The following NUP93 variants were observed in gnomAD, a reference collection of about 807,000 sequenced individuals.
The protein encoded by NUP93 is nuclear pore complex protein Nup93.
Under a neutral mutation model 107.8 loss-of-function variants are expected in NUP93, and 55 were observed. That is an observed-to-expected ratio of 0.51 (90% CI 0.41 to 0.64). The LOEUF (loss-of-function observed/expected upper bound fraction) is 0.64, where lower values mean the gene tolerates loss of function less well. NUP93 is among the 30% of genes least tolerant of loss of function. The pLI is 0.00. For synonymous variants in NUP93, 390 were observed against 397.5 expected, an observed-to-expected ratio of 0.98 and a Z score of 0.22; for missense variants, 937 against 1,044.7, an observed-to-expected ratio of 0.90 and a Z score of 1.42.
intron 8 of NUP93, among the ~76,000 whole-genome samples, chr16:56,828,706 T>C (rs1963719841): frequency 6.6e-6 from 1 of 152,244 alleles, no homozygotes; most frequent in African/African-American, 2.4e-5. Flanking sequence ...TTATTCTGTA[T>C]ATCCACCCTT....
chr16:56,756,657 T>A (rs1394365361), intron 2 of NUP93, among the ~76,000 whole-genome samples: 1 of 152,190 alleles, frequency 6.6e-6, no homozygotes. Context: ...GGTTATATAC[T>A]CAGTAATGGG....
At chr16:56,784,311 C>T in intron 3 of NUP93, among the ~76,000 whole-genome samples, 1 of 152,110 alleles carries the variant, frequency 6.6e-6, no homozygotes, top group Admixed American at 6.5e-5. Context: ...AATGAAAATG[C>T]TTCCGGGTTA....
At chr16:56,839,734 G>A (rs1014952485) in intron 20 of NUP93, 130 bp downstream of exon 20, 8 of 760,608 alleles carry the variant, frequency 1.1e-5, no homozygotes, top group Middle Eastern at 2.3e-4. Context: ...TTTCCAGAGT[G>A]GTTCCCTTTC....
chr16:56,808,633 CATTTATATAAATAT>C (rs1963232830), intron 5 of NUP93, among the ~76,000 whole-genome samples: 1 of 126,260 alleles, frequency 7.9e-6, no homozygotes, highest in African/African-American at 3.1e-5. Flanking sequence ...TATATAAATA[CATTTATATAAATAT>C]ATAAAAATAC....
At chr16:56,738,911 G>A (rs1321805417) in intron 1 of NUP93, among the ~76,000 whole-genome samples, 2 of 150,748 alleles carry the variant, frequency 1.3e-5, no homozygotes, top group Non-Finnish European at 3.0e-5. Context: ...AGGTTTGAGG[G>A]CAGAGTTTCT....
intron 3 of NUP93, among the ~76,000 whole-genome samples, chr16:56,798,038 G>A (rs1304795131): frequency 6.6e-6 from 1 of 152,196 alleles, no homozygotes; most frequent in East Asian, 1.9e-4. Context: ...CAAGTGAAAA[G>A]CACATAGACA....
At chr16:56,732,638 C>A in intron 1 of NUP93, among the ~76,000 whole-genome samples, 1 of 152,220 alleles carries the variant, frequency 6.6e-6, no homozygotes, top group East Asian at 1.9e-4. Context: ...TCTTCATAGA[C>A]TGATGTAGAA....
chr16:56,805,461 G>A (rs373323299), intron 4 of NUP93, 43 bp from the exon 5 acceptor site: 32 of 1,596,398 alleles, frequency 2.0e-5, no homozygotes, highest in Non-Finnish European at 2.6e-5. Flanking sequence ...TGTTTTTTTT[G>A]TTTTTTTCCT....
At chr16:56,844,390 C>A in intron 21 of NUP93, 109 bp from the exon 22 acceptor site, 1 of 529,082 alleles carries the variant, frequency 1.9e-6, no homozygotes, top group Non-Finnish European at 3.1e-6. Context: ...GTCCCTGACA[C>A]GCTGGGGTAG....
chr16:56,844,506 G>A lies in NUP93; in HGVS notation c.2357G>A (p.Arg786Gln), dbSNP rs374875893. The change falls in exon 22 of 22, where the codon CGA becomes CAA. Residue 786 changes from arginine (R) to glutamine (Q), a missense_variant. By Grantham distance (43) the Arg-to-Gln change is conservative. Transcript: ENST00000308159. ...RVIEDRDSQLRSQARTLITFA... is the reference protein window; with the variant it reads ...RVIEDRDSQLQSQARTLITFA... ...CCTTCCCTTCTCTCTCAGCAACTCCGAAGTCAAGCCCGCACTCTGATTACC... is the reference window on the plus strand; with the variant it reads ...CCTTCCCTTCTCTCTCAGCAACTCCAAAGTCAAGCCCGCACTCTGATTACC... 9 of 1,465,330 alleles carry A rather than the reference G, an allele frequency of 6.1e-6. No homozygotes were observed. Among genetic ancestry groups the A allele is most frequent in the Admixed American group, 2.4e-5 (1 of 41,860 alleles). 90.8% of individuals were successfully genotyped at this position (1,465,330 alleles called of 1,614,324 possible). A position where few individuals can be genotyped will look rare whatever the true frequency, so the allele number is the denominator to read the frequency against.
At chr16:56,778,806 G>T (rs1417842324) in intron 3 of NUP93, among the ~76,000 whole-genome samples, 1 of 152,166 alleles carries the variant, frequency 6.6e-6, no homozygotes, top group African/African-American at 2.4e-5. Context: ...TTTGGAGATG[G>T]GGTAAGAAAA....
intron 1 of NUP93, among the ~76,000 whole-genome samples, chr16:56,739,495 C>T (rs1961671440): frequency 8.0e-5 from 8 of 100,452 alleles, no homozygotes; most frequent in Non-Finnish European, 1.2e-4. Flanking sequence ...CCTCACCTCC[C>T]GGACGGGGCG....
Position 56,821,645 on chromosome 16 carries a change from GC to G in NUP93, c.654+54del, listed in dbSNP as rs760145424. ...AAACCGGGGTCCAGTGTTCCGATGG[GC>G]CTAGCAACTTGCCGATTTGGTTGAA... On this transcript the variant is annotated intron_variant, in intron 7 of 21. Coordinates refer to ENST00000308159, the MANE Select transcript of NUP93 (RefSeq NM_014669.5). 106 of 1,206,946 alleles carry G rather than the reference GC, an allele frequency of 8.8e-5. No homozygotes were observed. In the African/African-American group the frequency reaches 1.4e-3, roughly 16 times the overall value. The allele number at this position is 1,206,946 out of a possible 1,614,324, so 74.8% of individuals were successfully genotyped here.
chr16:56,748,050 C>G (rs1265173213), intron 1 of NUP93, 184 bp from the exon 2 acceptor site: 4 of 438,180 alleles, frequency 9.1e-6, no homozygotes, highest in African/African-American at 3.9e-5. Context: ...CACAGCCTGA[C>G]TCATTTTCTC....
At chr16:56,768,570 A>T (rs1962257369) in intron 3 of NUP93, among the ~76,000 whole-genome samples, 1 of 150,702 alleles carries the variant, frequency 6.6e-6, no homozygotes, top group Non-Finnish European at 1.5e-5. Flanking sequence ...TCTCAAAAAA[A>T]AAAATTTTTT....
Position 56,844,907 on chromosome 16 carries a change from T to G in NUP93, c.*298T>G, listed in dbSNP as rs1362438197. 1 of 386,704 alleles carries G rather than the reference T, an allele frequency of 2.6e-6. No individual in the cohort carries two copies. The highest frequency in any genetic ancestry group is 4.6e-6 in the Non-Finnish European group (1 of 219,260). 24.0% of individuals were successfully genotyped at this position (386,704 alleles called of 1,614,324 possible). ...TGTAGATATTCATTATTTGGTTAAATTGACCTTAATTAATTAAAAATCTAC... is the reference window on the plus strand; with the variant it reads ...TGTAGATATTCATTATTTGGTTAAAGTGACCTTAATTAATTAAAAATCTAC... On this transcript the variant is annotated 3_prime_UTR_variant, in exon 22 of 22. Coordinates refer to ENST00000308159, the MANE Select transcript of NUP93 (RefSeq NM_014669.5).
At chr16:56,793,922 G>A (rs375666037) in intron 3 of NUP93, among the ~76,000 whole-genome samples, 2 of 152,166 alleles carry the variant, frequency 1.3e-5, no homozygotes, top group African/African-American at 4.8e-5. Context: ...GTGTGGTGGC[G>A]TGTGCCTGTA....
chr16:56,739,570 G>A (rs1450344523), intron 1 of NUP93, among the ~76,000 whole-genome samples: 10 of 111,944 alleles, frequency 8.9e-5, no homozygotes, highest in African/African-American at 1.8e-4. Context: ...TGGCCGGGCG[G>A]GGGGCTGACC....
rs1964143388 is a variant in NUP93 at position 56,848,688 on chromosome 16, T to C, written c.*4079T>C. On this transcript the variant is annotated 3_prime_UTR_variant, in exon 22 of 22. Transcript: ENST00000308159. ...AGAGATTTCAAGTGGTCTGTGCTGC[T>C]TTTTTGCCTTGTTACGCACATAACT... 1 of 152,362 alleles carries C rather than the reference T, an allele frequency of 6.6e-6. No individual in the cohort carries two copies. Among genetic ancestry groups the C allele is most frequent in the South Asian group, 2.1e-4 (1 of 4,834 alleles). 9.4% of individuals were successfully genotyped at this position (152,362 alleles called of 1,614,324 possible).
Sources: gnomAD v4.1 joint callset for allele counts (sites outside exome capture counted in the v4.1 genomes callset) on GRCh38, gnomAD v4.1.1 for gene constraint, MANE v1.5 for transcripts, NCBI Gene and HGNC (gene_info 2026-07-23, HGNC 2026-07-21) for gene names.